Variants in SH2D4A observed in about 807,000 individuals in gnomAD.
SH2D4A encodes the protein SH2 domain-containing protein 4A.
SH2D4A carries 70 observed loss-of-function variants against 64.7 expected under a neutral mutation model. The ratio of observed to expected loss-of-function variants is 1.08; its 90% CI spans 0.89 to 1.32. The LOEUF is 1.32. Ranked by LOEUF, SH2D4A falls within the 40% of genes most tolerant of loss-of-function variation. The pLI, the probability that SH2D4A is intolerant of heterozygous loss-of-function variation, is 0.00. For synonymous variants in SH2D4A, 268 were observed against 200.7 expected, an observed-to-expected ratio of 1.34 and a Z score of -2.83; for missense variants, 706 against 540.1, an observed-to-expected ratio of 1.31 and a Z score of -3.04.
At chr8:19,325,558 C>T (rs2052264510) in intron 2 of SH2D4A, among the ~76,000 whole-genome samples, 1 of 152,168 alleles carries the variant, frequency 6.6e-6, no homozygotes, top group Admixed American at 6.5e-5. Context: ...GCGTGGCGAA[C>T]ATCTTTTTTG....
chr8:19,317,243 C>T (rs189815319), intron 1 of SH2D4A, among the ~76,000 whole-genome samples: 9 of 151,850 alleles, frequency 5.9e-5, no homozygotes, highest in African/African-American at 1.9e-4. Flanking sequence ...ATTGGCTCCA[C>T]CCTTTGAGAA....
chr8:19,373,167 C>T (rs924963093), intron 7 of SH2D4A, among the ~76,000 whole-genome samples: 3 of 151,924 alleles, frequency 2.0e-5, no homozygotes, highest in African/African-American at 7.3e-5. Flanking sequence ...CCCTTTAAGA[C>T]TGGAAGCACA....
intron 9 of SH2D4A, among the ~76,000 whole-genome samples, chr8:19,393,956 ATAT>A (rs1214868626): frequency 6.6e-6 from 1 of 152,170 alleles, no homozygotes; most frequent in African/African-American, 2.4e-5. Flanking sequence ...TTACATTGTT[ATAT>A]ATAATGAAAT....
chr8:19,348,259 C>T (rs56694872), intron 4 of SH2D4A, among the ~76,000 whole-genome samples: 14,810 of 152,088 alleles, frequency 0.097, 817 homozygotes, highest in Middle Eastern at 0.16. Flanking sequence ...CCATGCCCAG[C>T]TAATTTTTTT....
chr8:19,372,693 A>G (rs1269701308), intron 7 of SH2D4A, among the ~76,000 whole-genome samples: 4 of 152,216 alleles, frequency 2.6e-5, no homozygotes, highest in Non-Finnish European at 5.9e-5. Flanking sequence ...TCTGTTTATT[A>G]CATTGCAAGG....
intron 1 of SH2D4A, among the ~76,000 whole-genome samples, chr8:19,314,950 G>T (rs868541745): frequency 1.1e-4 from 16 of 152,256 alleles, no homozygotes; most frequent in African/African-American, 2.9e-4. Context: ...CACAGAGCTG[G>T]CTGTTTTAAA....
At chr8:19,362,671 C>T (rs186351161) in intron 6 of SH2D4A, among the ~76,000 whole-genome samples, 6 of 151,718 alleles carry the variant, frequency 4.0e-5, no homozygotes, top group East Asian at 3.9e-4. Flanking sequence ...ACCAGGGAGG[C>T]GGAGGTTGCA....
intron 3 of SH2D4A, among the ~76,000 whole-genome samples, chr8:19,333,576 C>T (rs1333254887): frequency 2.6e-5 from 4 of 152,110 alleles, no homozygotes; most frequent in East Asian, 1.9e-4. Flanking sequence ...TAGATACAGG[C>T]GGCTGGATAA....
intron 4 of SH2D4A, among the ~76,000 whole-genome samples, chr8:19,352,088 C>T (rs1417114604): frequency 3.9e-5 from 6 of 152,106 alleles, no homozygotes; most frequent in Non-Finnish European, 5.9e-5. Flanking sequence ...CAGCCTATAA[C>T]CCTACTTATA....
chr8:19,359,696 G>GA (rs892631264), intron 5 of SH2D4A, among the ~76,000 whole-genome samples: 8 of 144,232 alleles, frequency 5.5e-5, no homozygotes, highest in East Asian at 2.0e-4. Context: ...ACAGTGTAAG[G>GA]AAAAAAAAAT....
At chr8:19,336,188 C>T (rs1041329225) in intron 4 of SH2D4A, among the ~76,000 whole-genome samples, 2 of 152,190 alleles carry the variant, frequency 1.3e-5, no homozygotes, top group African/African-American at 2.4e-5. Flanking sequence ...GTTAAGCAAC[C>T]TGCCCAAGGT....
chr8:19,383,173 C>A (rs2053327165), intron 8 of SH2D4A, among the ~76,000 whole-genome samples: 1 of 152,014 alleles, frequency 6.6e-6, no homozygotes, highest in African/African-American at 2.4e-5. Context: ...TCTGATAGTT[C>A]CACAAAATGT....
At chr8:19,386,035 C>A (rs570571718) in intron 8 of SH2D4A, among the ~76,000 whole-genome samples, 2 of 152,340 alleles carry the variant, frequency 1.3e-5, no homozygotes, top group African/African-American at 2.4e-5. Flanking sequence ...ATGACTCACA[C>A]ATTTTATGGC....
At chr8:19,351,393 G>A (rs1388010050) in intron 4 of SH2D4A, among the ~76,000 whole-genome samples, 1 of 152,116 alleles carries the variant, frequency 6.6e-6, no homozygotes, top group Non-Finnish European at 1.5e-5. Flanking sequence ...CACAAGGTCA[G>A]GAGATGGAGA....
At chr8:19,357,822 C>T (rs757496142) in intron 5 of SH2D4A, among the ~76,000 whole-genome samples, 23 of 152,102 alleles carry the variant, frequency 1.5e-4, no homozygotes, top group Admixed American at 3.9e-4. Flanking sequence ...TCATAAATTG[C>T]TCAAAATAAA....
At chr8:19,364,807 T>C (rs1235589265) in intron 7 of SH2D4A, among the ~76,000 whole-genome samples, 1 of 152,234 alleles carries the variant, frequency 6.6e-6, no homozygotes, top group African/African-American at 2.4e-5. Context: ...GTTCCTCTTT[T>C]AAGAATTTGG....
At position 19,324,093 on chromosome 8, in the gene SH2D4A, G is replaced by A. The variant is rs539174191; in HGVS notation, c.181+4365G>A. ...TAATGACAGTGACTTTTATGTGAAG[G>A]CGCCTTGCGCACATCTAAAACATGT... On this transcript the variant is annotated intron_variant, in intron 2 of 9. Transcript: ENST00000265807. 4.1e-4 allele frequency among the ~76,000 whole-genome samples: 63 copies of A among 152,348 alleles called. 1 individual carries two copies. In the South Asian group the frequency reaches 7.7e-3, roughly 19 times the overall value.
At chr8:19,372,021 C>G (rs2053108504) in intron 7 of SH2D4A, among the ~76,000 whole-genome samples, 2 of 152,128 alleles carry the variant, frequency 1.3e-5, no homozygotes, top group Non-Finnish European at 2.9e-5. Context: ...TGACTTTAGG[C>G]TTGACCTGTG....
Position 19,381,375 on chromosome 8 carries a change from A to ATAAG in SH2D4A, c.1048+7717_1048+7720dup, listed in dbSNP as rs1296155354. On this transcript the variant is annotated intron_variant, in intron 8 of 9. Coordinates refer to ENST00000265807, the MANE Select transcript of SH2D4A (RefSeq NM_022071.4). ...ATCAGTGTTTTATAGTTTTTATTGT[A>ATAAG]TAAGTCTTTCACTTCCTTGGTTAAT... is the stretch of plus-strand genomic sequence containing the variant. Among the ~76,000 whole-genome samples, 51 of 152,250 alleles carry ATAAG rather than the reference A, an allele frequency of 3.3e-4. 1 individual carries two copies.
Sources: gnomAD v4.1 joint callset for allele counts (sites outside exome capture counted in the v4.1 genomes callset) on GRCh38, gnomAD v4.1.1 for gene constraint, MANE v1.5 for transcripts, NCBI Gene and HGNC (gene_info 2026-07-23, HGNC 2026-07-21) for gene names.